Variants in SNRNP48 observed in about 807,000 individuals in gnomAD.
The protein encoded by SNRNP48 is small nuclear ribonucleoprotein U11/U12 subunit 48, also known as U11/U12 small nuclear ribonucleoprotein 48 kDa protein.
Under a neutral mutation model 47.0 loss-of-function variants are expected in SNRNP48, and 43 were observed. The observed-to-expected ratio is 0.92, with a 90% CI of 0.72 to 1.18. SNRNP48 has a LOEUF of 1.18. SNRNP48 is among the 50% of genes most tolerant of loss of function. The pLI is 0.00. For synonymous variants in SNRNP48, 138 were observed against 144.0 expected (o/e 0.96, Z 0.30); for missense variants, 396 against 422.2 (o/e 0.94, Z 0.54).
rs2113714830 is a variant in SNRNP48, at chr6:7,595,037, A to T, written c.342A>T (p.Ser114=). Residue 114 remains serine, a synonymous_variant, in exon 4 of 9, where the codon TCA becomes TCT. Transcript: ENST00000342415. ...KIPSITLNKD[S]QFQIIKQART... ...TTTTTTTTTTGACAGATAAGGACTC[A>T]CAATTCCAGATAATTAAACAAGCTA... The T allele has an allele frequency of 6.3e-7, 1 of 1,594,966 alleles. No individual in the cohort carries two copies.
rs1760240145 is a variant in SNRNP48 at position 7,611,755 on chromosome 6, G to T, written c.*2882G>T. The stretch of plus-strand genomic sequence containing the variant: ...CCCCTCGCCCCGCCCGTCTTCTAAG[G>T]GCATTTTCTGTTTCTTTTTAGTGAG... On this transcript the variant is annotated 3_prime_UTR_variant, in exon 9 of 9. Transcript: ENST00000342415. The T allele has an allele frequency of 6.8e-6, 1 of 146,470 alleles. No homozygotes were observed. 9.1% of individuals were successfully genotyped at this position (146,470 alleles called of 1,614,324 possible).
chr6:7,608,784 CCAT>C (rs770128858), intron 8 of SNRNP48, 38 bp from the exon 9 acceptor site: 1 of 1,187,364 alleles, frequency 8.4e-7, no homozygotes, highest in Admixed American at 2.5e-5. Context: ...ATTAAAATGT[CCAT>C]CATTTATAAC....
chr6:7,602,555 T>G (rs1581838332), intron 5 of SNRNP48, 68 bp from the exon 6 acceptor site: 2 of 1,235,252 alleles, frequency 1.6e-6, no homozygotes, highest in South Asian at 1.6e-5. Flanking sequence ...TGTGATGTAT[T>G]TATTTGATAA....
chr6:7,593,890 A>AT (rs1464993176), intron 2 of SNRNP48, 43 bp downstream of exon 2: 3 of 1,352,642 alleles, frequency 2.2e-6, no homozygotes, highest in Non-Finnish European at 3.0e-6. Flanking sequence ...TATGTCATGC[A>AT]TTTTACACAT....
chr6:7,600,296 T>A (rs567124314), intron 4 of SNRNP48: 2 of 766,404 alleles, frequency 2.6e-6, no homozygotes, highest in East Asian at 1.3e-4. Context: ...ATGCTCTTAT[T>A]TGAATTCTTT....
Position 7,608,898 on chromosome 6 carries a change from T to G in SNRNP48, c.*25T>G, listed in dbSNP as rs1317582960. 1.5e-6 allele frequency: 2 copies of G among 1,326,034 alleles called. No homozygotes were observed. The allele number at this position is 1,326,034 out of a possible 1,614,324, so 82.1% of individuals were successfully genotyped here. ...AATGAAGTACTTGTACCTATATTAA[T>G]TATGCTTACGCCATGATAACCAATA... On this transcript the variant is annotated 3_prime_UTR_variant, in exon 9 of 9. Coordinates refer to ENST00000342415, the MANE Select transcript of SNRNP48 (RefSeq NM_152551.4).
In SNRNP48 at chr6:7,594,899, G is replaced by A. The variant is rs561419348; in HGVS notation, c.332-128G>A. 7 of 685,780 alleles carry A rather than the reference G, an allele frequency of 1.0e-5. No homozygotes were observed. In the Middle Eastern group the frequency reaches 1.5e-3, roughly 152 times the overall value. The allele number at this position is 685,780 out of a possible 1,614,324, so 42.5% of individuals were successfully genotyped here. Reference sequence around the variant, plus strand: ...GTTCAGATTTCATAGACAGGGATGTGGATGTTTCTTAAGATTCTGGAAGGT... The same window carrying A: ...GTTCAGATTTCATAGACAGGGATGTAGATGTTTCTTAAGATTCTGGAAGGT... On this transcript the variant is annotated intron_variant, in intron 3 of 8. Transcript: ENST00000342415.
intron 1 of SNRNP48, among the ~76,000 whole-genome samples, chr6:7,592,642 A>C (rs1258323419): frequency 6.6e-6 from 1 of 152,196 alleles, no homozygotes; most frequent in Non-Finnish European, 1.5e-5. Flanking sequence ...TACCTCACCC[A>C]GTTTCATGCA....
chr6:7,605,105 C>T (rs1760100905), intron 6 of SNRNP48, among the ~76,000 whole-genome samples: 3 of 152,156 alleles, frequency 2.0e-5, no homozygotes, highest in Admixed American at 2.0e-4. Context: ...TTACATACCT[C>T]ATAACCCTTT....
At chr6:7,594,230 A>G (rs1759866202) in intron 3 of SNRNP48, 71 bp downstream of exon 3, 1 of 716,922 alleles carries the variant, frequency 1.4e-6, no homozygotes, top group Non-Finnish European at 2.2e-6. Flanking sequence ...TGCATTATGA[A>G]AAGAATGGAT....
intron 5 of SNRNP48, among the ~76,000 whole-genome samples, chr6:7,602,011 A>G (rs1009447739): frequency 4.6e-5 from 7 of 151,944 alleles, no homozygotes; most frequent in Admixed American, 1.3e-4. Context: ...GTGCCACCAC[A>G]CCTGGCTACT....
chr6:7,605,061 A>G (rs1167850384), intron 6 of SNRNP48, among the ~76,000 whole-genome samples: 5 of 152,068 alleles, frequency 3.3e-5, no homozygotes, highest in African/African-American at 7.2e-5. Flanking sequence ...CGATCTGTAC[A>G]TATTTTTTTC....
At chr6:7,600,290 T>A (rs1759991035) in intron 4 of SNRNP48, 10 of 796,792 alleles carry the variant, frequency 1.3e-5, no homozygotes, top group Non-Finnish European at 1.5e-5. Context: ...CATAGTATGC[T>A]CTTATTTGAA....
At chr6:7,594,571 T>G (rs1759870809) in intron 3 of SNRNP48, among the ~76,000 whole-genome samples, 1 of 152,228 alleles carries the variant, frequency 6.6e-6, no homozygotes, top group African/African-American at 2.4e-5. Context: ...AGATGTGACT[T>G]TCAGCGAGGT....
chr6:7,606,159 AG>A lies in SNRNP48; in HGVS notation c.937del (p.Asp313IlefsTer29). 6.2e-7 allele frequency: 1 copy of A among 1,613,540 alleles called. No homozygotes were observed. The highest frequency in any genetic ancestry group is 8.5e-7 in the Non-Finnish European group (1 of 1,179,806). ...CATAAAAGAAAAAGAAACAAAGATAAGGATAAAAACTGTGAGTCGAGAAGAA... is the reference window on the plus strand; with the variant it reads ...CATAAAAGAAAAAGAAACAAAGATAAGATAAAAACTGTGAGTCGAGAAGAA... ...SPHKRKRNKD[K>X]DKNCESRRRK... On this transcript the variant is annotated frameshift_variant, in exon 8 of 9. Coordinates refer to ENST00000342415, the MANE Select transcript of SNRNP48 (RefSeq NM_152551.4). LOFTEE classifies it high-confidence loss of function.
In SNRNP48 at chr6:7,606,169, CTG is replaced by C. The variant is rs1760124318; in HGVS notation, c.948_949del (p.Cys316Ter). The C allele has an allele frequency of 6.2e-7, 1 of 1,612,332 alleles. No individual in the cohort carries two copies. The highest frequency in any genetic ancestry group is 8.5e-7 in the Non-Finnish European group (1 of 1,179,426). Reference sequence around the variant, plus strand: ...AAAGAAACAAAGATAAGGATAAAAACTGTGAGTCGAGAAGAAGGAAAGAGAGG... The same window carrying C: ...AAAGAAACAAAGATAAGGATAAAAACTGAGTCGAGAAGAAGGAAAGAGAGG... ...RKRNKDKDKN[C>X]ESRRRKERDG... On this transcript the variant is annotated frameshift_variant, in exon 8 of 9. Transcript: ENST00000342415. LOFTEE classifies it high-confidence loss of function.
intron 1 of SNRNP48, among the ~76,000 whole-genome samples, chr6:7,591,871 C>T (rs1479710760): frequency 6.6e-6 from 1 of 152,170 alleles, no homozygotes; most frequent in East Asian, 1.9e-4. Context: ...TAGTGAACAA[C>T]AGTCCTAGTT....
At chr6:7,593,323 G>C (rs1332773108) in intron 1 of SNRNP48, among the ~76,000 whole-genome samples, 3 of 152,076 alleles carry the variant, frequency 2.0e-5, no homozygotes, top group Non-Finnish European at 4.4e-5. Flanking sequence ...ATCACAGATG[G>C]ACAATTGGAG....
rs1424466333 is a variant in SNRNP48, at chr6:7,606,213, T to C, written c.971+18T>C. On this transcript the variant is annotated intron_variant, in intron 8 of 8. Coordinates refer to ENST00000342415, the MANE Select transcript of SNRNP48 (RefSeq NM_152551.4). ...AAAGAGAGGTGGGTCTAACCCTGCA[T>C]CATCCAACGTTGAATTCTGTACTTT... 1 of 1,585,092 alleles carries C rather than the reference T, an allele frequency of 6.3e-7. No individual in the cohort carries two copies. The highest frequency in any genetic ancestry group is 8.5e-7 in the Non-Finnish European group (1 of 1,170,644).
Sources: allele counts gnomAD v4.1 joint callset (sites outside exome capture counted in the v4.1 genomes callset), GRCh38; gene constraint gnomAD v4.1.1; transcripts MANE v1.5; gene names NCBI Gene and HGNC (gene_info 2026-07-23, HGNC 2026-07-21).